Variants in GRID2 observed in about 807,000 individuals in gnomAD.
The protein encoded by GRID2 is glutamate receptor ionotropic, delta-2.
GRID2 carries 33 observed loss-of-function variants against 114.8 expected under a neutral mutation model. The observed-to-expected ratio is 0.29, with a 90% CI of 0.22 to 0.38. GRID2 has a LOEUF of 0.38. Ranked by LOEUF, GRID2 falls within the 10% of genes least tolerant of loss-of-function variation. The probability of loss-of-function intolerance (pLI) is 1.00; values close to 1 mark genes in which losing one functional copy is unlikely to be tolerated. For missense variants in GRID2, 1,184 were observed against 1,257.7 expected (o/e 0.94, Z 0.89); for synonymous variants, 505 against 449.9 (o/e 1.12, Z -1.55).
chr4:93,450,075 T>C (rs1181808816), intron 10 of GRID2, among the ~76,000 whole-genome samples: 1 of 151,922 alleles, frequency 6.6e-6, no homozygotes, highest in Non-Finnish European at 1.5e-5. Context: ...CTAATAAAAA[T>C]GATACAGCCT....
At chr4:92,838,119 T>C (rs1030219029) in intron 2 of GRID2, among the ~76,000 whole-genome samples, 4 of 152,208 alleles carry the variant, frequency 2.6e-5, no homozygotes, top group East Asian at 3.9e-4. Context: ...CCTCCTTCAA[T>C]ATTATATTGA....
intron 2 of GRID2, among the ~76,000 whole-genome samples, chr4:92,876,651 G>A (rs1745657791): frequency 6.6e-6 from 1 of 152,130 alleles, no homozygotes; most frequent in Non-Finnish European, 1.5e-5. Context: ...CTATATCAGT[G>A]CACATCTTAT....
chr4:93,643,897 C>T (rs1181401850), intron 14 of GRID2, among the ~76,000 whole-genome samples: 1 of 100,902 alleles, frequency 9.9e-6, no homozygotes, highest in Admixed American at 8.8e-5. Flanking sequence ...CAATGGCGGG[C>T]GCCCCTCCCC....
chr4:93,671,824 A>C (rs1724445499), intron 14 of GRID2, among the ~76,000 whole-genome samples: 1 of 151,656 alleles, frequency 6.6e-6, no homozygotes, highest in African/African-American at 2.4e-5. Flanking sequence ...CAAAAAAAAA[A>C]ATTTTGCCAG....
chr4:93,679,627 C>G (rs1043313249), intron 14 of GRID2, among the ~76,000 whole-genome samples: 2 of 150,978 alleles, frequency 1.3e-5, no homozygotes. Context: ...AAGAAACTCA[C>G]TCAAAACCGC....
chr4:93,543,710 T>TAGAG (rs34742442), intron 13 of GRID2, among the ~76,000 whole-genome samples: 20,753 of 133,314 alleles, frequency 0.16, 1,709 homozygotes, highest in East Asian at 0.36. Flanking sequence ...GAGTGAGAGA[T>TAGAG]AGAGAGAGAG....
chr4:92,837,520 G>T (rs1354334582), intron 2 of GRID2, among the ~76,000 whole-genome samples: 2 of 146,966 alleles, frequency 1.4e-5, no homozygotes, highest in African/African-American at 5.0e-5. Context: ...CTCATCAAAT[G>T]TAACCTTGAA....
chr4:93,700,754 C>T (rs1727437471), intron 14 of GRID2, among the ~76,000 whole-genome samples: 1 of 152,110 alleles, frequency 6.6e-6, no homozygotes, highest in African/African-American at 2.4e-5. Context: ...TGTGGGCTAT[C>T]ACTGTCTGTA....
intron 13 of GRID2, among the ~76,000 whole-genome samples, chr4:93,549,781 C>T (rs1231871336): frequency 1.3e-5 from 2 of 152,132 alleles, no homozygotes; most frequent in Admixed American, 1.3e-4. Context: ...ATGTGTCAGC[C>T]TATGTTGAAA....
At chr4:93,435,885 C>T (rs1398739443) in intron 10 of GRID2, among the ~76,000 whole-genome samples, 2 of 152,120 alleles carry the variant, frequency 1.3e-5, no homozygotes, top group Non-Finnish European at 2.9e-5. Flanking sequence ...GGAATGGACA[C>T]ATGCATTTGA....
intron 1 of GRID2, among the ~76,000 whole-genome samples, chr4:92,457,098 C>T (rs1413213960): frequency 6.6e-6 from 1 of 152,058 alleles, no homozygotes; most frequent in Non-Finnish European, 1.5e-5. Context: ...GGTTTTCTTA[C>T]CTTGAGGTCA....
At chr4:93,241,588 A>G (rs1444586731) in intron 8 of GRID2, among the ~76,000 whole-genome samples, 1 of 151,838 alleles carries the variant, frequency 6.6e-6, no homozygotes, top group Non-Finnish European at 1.5e-5. Flanking sequence ...TAAGGGTTTT[A>G]TATTGATACT....
chr4:92,678,644 C>T (rs1733501188), intron 2 of GRID2, among the ~76,000 whole-genome samples: 1 of 148,808 alleles, frequency 6.7e-6, no homozygotes, highest in African/African-American at 2.5e-5. Context: ...TTGATGAGCA[C>T]CTTAAAAAAA....
chr4:93,397,842 A>G (rs1168351787), intron 9 of GRID2, among the ~76,000 whole-genome samples: 1 of 151,914 alleles, frequency 6.6e-6, no homozygotes, highest in Non-Finnish European at 1.5e-5. Context: ...TGTAAATGCT[A>G]TGTAAGTAGT....
intron 8 of GRID2, chr4:93,302,539 T>G (rs1560475568): frequency 2.2e-6 from 1 of 454,988 alleles, no homozygotes; most frequent in South Asian, 1.6e-5. Context: ...ATTTGTGTAA[T>G]ACACATACAT....
chr4:93,378,746 G>A (rs535364971), intron 8 of GRID2, among the ~76,000 whole-genome samples: 5 of 152,124 alleles, frequency 3.3e-5, no homozygotes, highest in African/African-American at 1.2e-4. Flanking sequence ...TGTCTTTTCT[G>A]AATCTATGTC....
At chr4:92,658,662 A>T (rs779262030) in intron 2 of GRID2, among the ~76,000 whole-genome samples, 3 of 151,632 alleles carry the variant, frequency 2.0e-5, no homozygotes, top group Non-Finnish European at 3.0e-5. Context: ...AAGCAAAAGG[A>T]ACTGAAGCAA....
chr4:93,335,044 G>A (rs1210573564), intron 8 of GRID2, among the ~76,000 whole-genome samples: 1 of 119,320 alleles, frequency 8.4e-6, no homozygotes, highest in Non-Finnish European at 1.8e-5. Flanking sequence ...TTTAATTGGT[G>A]ATAGCAAAAC....
intron 14 of GRID2, among the ~76,000 whole-genome samples, chr4:93,696,859 T>C (rs1427938261): frequency 1.3e-5 from 2 of 152,180 alleles, no homozygotes; most frequent in East Asian, 1.9e-4. Context: ...CCCAGAATTG[T>C]AGTATTTTAC....
Sources: allele counts gnomAD v4.1 joint callset (sites outside exome capture counted in the v4.1 genomes callset), GRCh38; gene constraint gnomAD v4.1.1; transcripts MANE v1.5; gene names NCBI Gene and HGNC (gene_info 2026-07-23, HGNC 2026-07-21).